The following RNF169 variants were observed in gnomAD, a reference collection of about 807,000 sequenced individuals.
RNF169 encodes E3 ubiquitin-protein ligase RNF169.
RNF169 carries 24 observed loss-of-function variants against 53.9 expected under a neutral mutation model. That is an observed-to-expected ratio of 0.45 (90% confidence interval 0.32 to 0.63). RNF169 has a LOEUF of 0.63. Ranked by LOEUF, RNF169 falls within the 20% of genes least tolerant of loss-of-function variation. The pLI is 0.04. For synonymous variants in RNF169, 396 were observed against 363.5 expected (o/e 1.09, Z -1.02); for missense variants, 883 against 906.2 (o/e 0.97, Z 0.33).
intron 3 of RNF169, among the ~76,000 whole-genome samples, chr11:74,811,661 T>A (rs899880200): frequency 5.9e-5 from 9 of 152,080 alleles, no homozygotes; most frequent in African/African-American, 1.9e-4. Flanking sequence ...TAATAATAAT[T>A]ATTATTTAAT....
At chr11:74,835,460 CT>C (rs1229252262) in intron 5 of RNF169, 85 bp from the exon 6 acceptor site, 12 of 1,018,048 alleles carry the variant, frequency 1.2e-5, no homozygotes, top group Non-Finnish European at 1.8e-5. Context: ...CTCCCCTTCC[CT>C]GTGCCTCCAC....
rs747549447 is a variant in RNF169 at position 74,748,907 on chromosome 11, G to T, written c.27G>T (p.Arg9=). MAAAGPST[R]ASSAAAAAAL... Reference sequence around the variant, plus strand: ...TGGCGGCTGCAGGTCCGAGTACTCGGGCCTCTTCCGCGGCGGCAGCAGCCG... The same window carrying T: ...TGGCGGCTGCAGGTCCGAGTACTCGTGCCTCTTCCGCGGCGGCAGCAGCCG... Residue 9 remains arginine (R), a synonymous_variant, in exon 1 of 6, where the codon CGG becomes CGT. Transcript: ENST00000299563. 113 of 1,449,198 alleles carry T rather than the reference G, an allele frequency of 7.8e-5. No individual in the cohort carries two copies. Among genetic ancestry groups the T allele is most frequent in the Middle Eastern group, 1.9e-4 (1 of 5,376 alleles). The allele number at this position is 1,449,198 out of a possible 1,614,324, so 89.8% of individuals were successfully genotyped here. A position where few individuals can be genotyped will look rare whatever the true frequency, so the allele number is the denominator to read the frequency against.
At chr11:74,812,124 G>A (rs187771781) in intron 3 of RNF169, among the ~76,000 whole-genome samples, 15 of 152,250 alleles carry the variant, frequency 9.9e-5, no homozygotes, top group East Asian at 1.9e-4. Flanking sequence ...GAAATCAAGT[G>A]CAGCCACCTA....
intron 2 of RNF169, among the ~76,000 whole-genome samples, chr11:74,809,401 C>G (rs2035845246): frequency 6.6e-6 from 1 of 152,238 alleles, no homozygotes; most frequent in Admixed American, 6.5e-5. Context: ...CACTATCCCT[C>G]TTTTGAAGAC....
chr11:74,762,786 A>G (rs1172471947), intron 1 of RNF169, among the ~76,000 whole-genome samples: 1 of 152,250 alleles, frequency 6.6e-6, no homozygotes, highest in African/African-American at 2.4e-5. Flanking sequence ...ATATACAGGA[A>G]AGATAGGAAA....
At chr11:74,835,345 G>T (rs1488990103) in intron 5 of RNF169, among the ~76,000 whole-genome samples, 1 of 152,040 alleles carries the variant, frequency 6.6e-6, no homozygotes, top group Non-Finnish European at 1.5e-5. Flanking sequence ...TCAGTTTTAT[G>T]AATTGTTTGA....
At chr11:74,803,783 C>G (rs2035766565) in intron 2 of RNF169, among the ~76,000 whole-genome samples, 1 of 152,100 alleles carries the variant, frequency 6.6e-6, no homozygotes. Flanking sequence ...CACCTAGATT[C>G]AGTAATTATG....
chr11:74,770,447 G>A (rs1565172890), intron 1 of RNF169, among the ~76,000 whole-genome samples: 1 of 152,178 alleles, frequency 6.6e-6, no homozygotes, highest in Admixed American at 6.5e-5. Flanking sequence ...TATTACTGAG[G>A]CCATTTGTTC....
At chr11:74,754,603 T>C (rs1565168151) in intron 1 of RNF169, among the ~76,000 whole-genome samples, 1 of 152,176 alleles carries the variant, frequency 6.6e-6, no homozygotes, top group Non-Finnish European at 1.5e-5. Context: ...GGCGGATCAG[T>C]TGTGGCCAGG....
chr11:74,809,154 C>G (rs1026827466), intron 2 of RNF169, among the ~76,000 whole-genome samples: 1 of 151,652 alleles, frequency 6.6e-6, no homozygotes, highest in East Asian at 1.9e-4. Flanking sequence ...AGGCAGCAGC[C>G]TATCAAAAAT....
At chr11:74,779,336 G>A (rs2035383346) in intron 1 of RNF169, among the ~76,000 whole-genome samples, 1 of 152,124 alleles carries the variant, frequency 6.6e-6, no homozygotes, top group South Asian at 2.1e-4. Context: ...GTAGTAATCG[G>A]TGGTGTAAAT....
chr11:74,766,397 G>C (rs1419932072), intron 1 of RNF169, among the ~76,000 whole-genome samples: 1 of 152,182 alleles, frequency 6.6e-6, no homozygotes, highest in Non-Finnish European at 1.5e-5. Context: ...CAGTTTAAGT[G>C]TATGAACTTA....
chr11:74,840,940 GTTATT>G lies in RNF169; in HGVS notation c.*4219_*4223del, dbSNP rs755523121. ...GGGATACCCCCAAATGATTTAGGAG[GTTATT>G]TTATTTTAATAGTTTTTTCTTCCTG... On this transcript the variant is annotated 3_prime_UTR_variant, in exon 6 of 6. Coordinates refer to ENST00000299563, the MANE Select transcript of RNF169 (RefSeq NM_001098638.2). The G allele has an allele frequency of 6.6e-5, 10 of 152,058 alleles. No homozygotes were observed. In the East Asian group the frequency reaches 9.6e-4, roughly 15 times the overall value. The allele number at this position is 152,058 out of a possible 1,614,324, so 9.4% of individuals were successfully genotyped here. A position where few individuals can be genotyped will look rare whatever the true frequency, so the allele number is the denominator to read the frequency against.
At chr11:74,827,136 C>T (rs1230788877) in intron 4 of RNF169, among the ~76,000 whole-genome samples, 1 of 152,234 alleles carries the variant, frequency 6.6e-6, no homozygotes, top group Non-Finnish European at 1.5e-5. Context: ...CATTTGCATA[C>T]ATTCTGTGTA....
At chr11:74,787,410 C>T (rs1022808335) in intron 1 of RNF169, among the ~76,000 whole-genome samples, 2 of 152,198 alleles carry the variant, frequency 1.3e-5, no homozygotes, top group Non-Finnish European at 2.9e-5. Context: ...TAAAAACACT[C>T]AATTTCACTC....
At position 74,748,912 on chromosome 11, in the gene RNF169, C is replaced by T. The variant is rs2034835593; in HGVS notation, c.32C>T (p.Ser11Phe). The change falls in exon 1 of 6, where the codon TCT becomes TTT. Residue 11 changes from serine to phenylalanine, a missense_variant. This residue lies in a region of RNF169 where 313 missense variants were observed against 279.9 expected (regional missense o/e 1.12). Coordinates refer to ENST00000299563, the MANE Select transcript of RNF169 (RefSeq NM_001098638.2). MAAAGPSTRA[S>F]SAAAAAALSR... ...GCTGCAGGTCCGAGTACTCGGGCCT[C>T]TTCCGCGGCGGCAGCAGCCGCTCTG... The T allele has an allele frequency of 1.4e-6, 2 of 1,449,502 alleles. No individual in the cohort carries two copies. The highest frequency in any genetic ancestry group is 1.8e-6 in the Non-Finnish European group (2 of 1,090,900). The allele number at this position is 1,449,502 out of a possible 1,614,324, so 89.8% of individuals were successfully genotyped here. A position where few individuals can be genotyped will look rare whatever the true frequency, so the allele number is the denominator to read the frequency against.
chr11:74,807,405 T>TGTCC (rs2035821150), intron 2 of RNF169, among the ~76,000 whole-genome samples: 1 of 152,202 alleles, frequency 6.6e-6, no homozygotes, highest in African/African-American at 2.4e-5. Context: ...GCTCTCTGTC[T>TGTCC]TTTTTGGTTA....
At chr11:74,769,476 TA>T (rs1435845902) in intron 1 of RNF169, among the ~76,000 whole-genome samples, 8 of 152,166 alleles carry the variant, frequency 5.3e-5, no homozygotes, top group Admixed American at 4.6e-4. Context: ...GAGATTCCAT[TA>T]ATAGGTGTGT....
rs553282598 is a variant in RNF169, at chr11:74,748,893, G to A, written c.13G>A (p.Gly5Ser). The change falls in exon 1 of 6, where the codon GGT (glycine) becomes AGT (serine). Residue 5 changes from glycine to serine, a missense_variant. Physicochemically the swap from Gly to Ser is moderately conservative, Grantham distance 56. Around this residue, in one of 3 missense-constraint regions of RNF169, gnomAD observed 313 missense variants for 279.9 expected, o/e 1.12. Coordinates refer to ENST00000299563, the MANE Select transcript of RNF169 (RefSeq NM_001098638.2). ...AACGGGAAACAAGATGGCGGCTGCA[G>A]GTCCGAGTACTCGGGCCTCTTCCGC... MAAA[G>S]PSTRASSAAA... 14 of 1,434,940 alleles carry A rather than the reference G, an allele frequency of 9.8e-6. No homozygotes were observed. The African/African-American group carries it at 1.6e-4, about 17-fold the overall frequency. The allele number at this position is 1,434,940 out of a possible 1,614,324, so 88.9% of individuals were successfully genotyped here. A position where few individuals can be genotyped will look rare whatever the true frequency, so the allele number is the denominator to read the frequency against.
Sources: allele counts gnomAD v4.1 joint callset (sites outside exome capture counted in the v4.1 genomes callset), GRCh38; gene constraint gnomAD v4.1.1; regional missense constraint gnomAD v4.1.1; transcripts MANE v1.5; gene names NCBI Gene and HGNC (gene_info 2026-07-23, HGNC 2026-07-21).